PRPF18: variants seen among roughly 807,000 people sequenced by gnomAD.
PRPF18 encodes pre-mRNA processing factor 18, also known as pre-mRNA-splicing factor 18.
Under a neutral mutation model 46.5 loss-of-function variants are expected in PRPF18, and 38 were observed. The ratio of observed to expected loss-of-function variants is 0.82; its 90% confidence interval spans 0.63 to 1.07. The LOEUF (loss-of-function observed/expected upper bound fraction) is 1.07, where lower values mean the gene tolerates loss of function less well. Among genes scored for constraint, PRPF18 ranks in the 50% least tolerant of loss-of-function variants. PRPF18 has a pLI of 0.00. For synonymous variants in PRPF18, 152 were observed against 146.7 expected (o/e 1.04, Z -0.26); for missense variants, 263 against 410.0 (o/e 0.64, Z 3.10).
intron 9 of PRPF18, among the ~76,000 whole-genome samples, chr10:13,629,326 A>G (rs2080558251): frequency 6.6e-6 from 1 of 152,222 alleles, no homozygotes; most frequent in South Asian, 2.1e-4. Flanking sequence ...TCACGCTTGG[A>G]ATGTTGTACT....
the PRPF18 span, chr10:13,655,598 G>T: frequency 6.6e-6 from 1 of 151,046 alleles, no homozygotes; most frequent in South Asian, 2.1e-4. Context: ...GGCTCGCTAG[G>T]GCATCCAGGT....
At chr10:13,631,949 G>A (rs1226365217), downstream of PRPF18, 1 of 152,330 alleles carries the variant, frequency 6.6e-6, no homozygotes, top group Non-Finnish European at 1.5e-5. Flanking sequence ...CGTTTCTGAT[G>A]GTTATATGCA....
chr10:13,594,180 A>G (rs758506440), intron 1 of PRPF18, among the ~76,000 whole-genome samples: 5 of 152,226 alleles, frequency 3.3e-5, no homozygotes, highest in Non-Finnish European at 5.9e-5. Context: ...GCAATAATAA[A>G]CCCATAGTAT....
At chr10:13,610,475 T>A (rs532816673) in intron 5 of PRPF18, among the ~76,000 whole-genome samples, 69 of 152,378 alleles carry the variant, frequency 4.5e-4, no homozygotes, top group Admixed American at 1.2e-3. Context: ...TTGATTTACA[T>A]AAATGATGTT....
chr10:13,630,434 C>T lies in PRPF18; in HGVS notation c.*94C>T. 1 of 1,022,582 alleles carries T rather than the reference C, an allele frequency of 9.8e-7. No homozygotes were observed. Among genetic ancestry groups the T allele is most frequent in the Non-Finnish European group, 1.4e-6 (1 of 693,456 alleles). 63.3% of individuals were successfully genotyped at this position (1,022,582 alleles called of 1,614,324 possible). ...CAACAGGAATGAGGAAAGAAGAAAA[C>T]TGGAGTTTCCAGTCTCTGAGTTCTA... On this transcript the variant is annotated 3_prime_UTR_variant, in exon 10 of 10. Transcript: ENST00000378572.
intron 6 of PRPF18, 64 bp from the exon 7 acceptor site, chr10:13,613,677 A>G: frequency 6.7e-7 from 1 of 1,502,906 alleles, no homozygotes; most frequent in Admixed American, 2.1e-5. Context: ...TGTGCTAGAG[A>G]GCATTTAGAT....
the PRPF18 span, chr10:13,645,770 C>T: frequency 4.6e-5 from 7 of 152,580 alleles, no homozygotes; most frequent in African/African-American, 1.7e-4. Context: ...GAAGTCGGAT[C>T]TGAGCTCTTT....
At position 13,626,787 on chromosome 10, in the gene PRPF18, A is replaced by G. The variant is rs11258481; in HGVS notation, c.949-3473A>G. The stretch of plus-strand genomic sequence containing the variant: ...TGAGGTAGAGGACTGCTATTATTTG[A>G]TACAAGAATCGTGTGATTTTTTTTT... On this transcript the variant is annotated intron_variant, in intron 9 of 9. Coordinates refer to ENST00000378572, the MANE Select transcript of PRPF18 (RefSeq NM_003675.4). 4.7e-5 allele frequency among the ~76,000 whole-genome samples: 7 copies of G among 148,630 alleles called. No homozygotes were observed. In the Admixed American group the frequency reaches 4.7e-4, roughly 10 times the overall value.
At chr10:13,633,079 T>A (rs1405726906), downstream of PRPF18, among the ~76,000 whole-genome samples, 1 of 152,150 alleles carries the variant, frequency 6.6e-6, no homozygotes, top group Non-Finnish European at 1.5e-5. Context: ...CCTGCAACAA[T>A]CTGGAGGTTG....
At chr10:13,625,207 A>G (rs1381295350) in intron 9 of PRPF18, among the ~76,000 whole-genome samples, 1 of 152,040 alleles carries the variant, frequency 6.6e-6, no homozygotes, top group Non-Finnish European at 1.5e-5. Context: ...GTGCATGCCT[A>G]TTCAGGAGGC....
intron 1 of PRPF18, among the ~76,000 whole-genome samples, chr10:13,589,377 ATTG>A (rs1449007985): frequency 1.3e-5 from 2 of 152,236 alleles, no homozygotes; most frequent in Non-Finnish European, 2.9e-5. Context: ...ATAAATGAGA[ATTG>A]TTGTATGCAT....
At chr10:13,601,389 T>C (rs1034802991) in intron 3 of PRPF18, among the ~76,000 whole-genome samples, 16 of 152,186 alleles carry the variant, frequency 1.1e-4, no homozygotes, top group African/African-American at 2.4e-4. Context: ...TTAAAAGAAA[T>C]CATAAAATTT....
In PRPF18 at chr10:13,601,957, A is replaced by C. The variant is rs117339569; in HGVS notation, c.249+1609A>C. 6.2e-3 allele frequency among the ~76,000 whole-genome samples: 948 copies of C among 152,322 alleles called. 8 individuals are homozygous for C. Among genetic ancestry groups the C allele is most frequent in the Non-Finnish European group, 0.011 (750 of 68,020 alleles). On this transcript the variant is annotated intron_variant, in intron 3 of 9. Transcript: ENST00000378572. ...TGCTAAGGTGAACTTCCTTATACAT[A>C]TGTCTTGATATTCGTATGAGTTTAT...
chr10:13,654,089 C>A, the PRPF18 span: 2 of 485,212 alleles, frequency 4.1e-6, no homozygotes, highest in South Asian at 3.9e-5. Flanking sequence ...TTTGAGTCAG[C>A]CTGAGTATAA....
At chr10:13,648,973 G>A in the PRPF18 span, among the ~76,000 whole-genome samples, 1 of 151,912 alleles carries the variant, frequency 6.6e-6, no homozygotes, top group South Asian at 2.1e-4. Flanking sequence ...CCTTTCAGAG[G>A]CCTGAAATGT....
At chr10:13,604,708 A>G (rs1356960379) in intron 3 of PRPF18, among the ~76,000 whole-genome samples, 1 of 152,234 alleles carries the variant, frequency 6.6e-6, no homozygotes, top group Non-Finnish European at 1.5e-5. Flanking sequence ...CAGTGAGCTA[A>G]ACGACCTAAA....
chr10:13,592,634 C>G (rs970684229), intron 1 of PRPF18, among the ~76,000 whole-genome samples: 1 of 152,202 alleles, frequency 6.6e-6, no homozygotes, highest in African/African-American at 2.4e-5. Context: ...TGTAACCACC[C>G]TGAGGTAAAT....
At position 13,610,123 on chromosome 10, in the gene PRPF18, G is replaced by A; in HGVS notation, c.448G>A (p.Glu150Lys). ...AATCGTCGGCGGTCAGGAGCCTGGA[G>A]AGGAAGACACACAGAATGATCTGAA... ...NEIVGGQEPGEEDTQNDLKVH... is the reference protein window; with the variant it reads ...NEIVGGQEPGKEDTQNDLKVH... Residue 150 changes from glutamate to lysine, a missense_variant, in exon 5 of 10, where the codon GAG (glutamate) becomes AAG (lysine). This residue lies in a region of PRPF18 where 155 missense variants were observed against 245.1 expected (regional missense o/e 0.63). Transcript: ENST00000378572. 6.2e-7 allele frequency: 1 copy of A among 1,614,110 alleles called. No individual in the cohort carries two copies. Among genetic ancestry groups the A allele is most frequent in the Non-Finnish European group, 8.5e-7 (1 of 1,179,970 alleles).
chr10:13,654,067 C>A, the PRPF18 span: 1 of 450,690 alleles, frequency 2.2e-6, no homozygotes, highest in South Asian at 4.8e-5. Context: ...CCCTGACATT[C>A]TTGCCTGGCA....
Sources: gnomAD v4.1 joint callset for allele counts (sites outside exome capture counted in the v4.1 genomes callset) on GRCh38, gnomAD v4.1.1 for gene constraint, gnomAD v4.1.1 regional missense constraint, MANE v1.5 for transcripts, NCBI Gene and HGNC (gene_info 2026-07-23, HGNC 2026-07-21) for gene names.